KCNT2: variants seen among roughly 807,000 people sequenced by gnomAD.
The protein encoded by KCNT2 is potassium channel subfamily T member 2.
KCNT2 carries 67 observed loss-of-function variants against 153.8 expected under a neutral mutation model. That is an observed-to-expected ratio of 0.44 (90% CI 0.36 to 0.53). The LOEUF (loss-of-function observed/expected upper bound fraction) is 0.53, where lower values mean the gene tolerates loss of function less well. Among genes scored for constraint, KCNT2 ranks in the 20% least tolerant of loss-of-function variants. The pLI is 0.00. For missense variants in KCNT2, 975 were observed against 1,354.8 expected (o/e 0.72, Z 4.40); for synonymous variants, 500 against 458.8 (o/e 1.09, Z -1.15).
At chr1:196,479,284 A>C in intron 4 of KCNT2, 46 bp from the exon 5 acceptor site, 1 of 1,099,570 alleles carries the variant, frequency 9.1e-7, no homozygotes. Flanking sequence ...ATACAATTAA[A>C]TTATATATAT....
intron 12 of KCNT2, among the ~76,000 whole-genome samples, chr1:196,411,084 TC>T (rs1372344666): frequency 1.4e-4 from 8 of 56,236 alleles, no homozygotes; most frequent in Non-Finnish European, 2.9e-4. Context: ...CTTCCTTCCT[TC>T]CTTCCTTCCT....
chr1:196,604,347 T>C (rs1665080645), intron 1 of KCNT2, among the ~76,000 whole-genome samples: 1 of 152,156 alleles, frequency 6.6e-6, no homozygotes, highest in South Asian at 2.1e-4. Context: ...CCTAACTTAA[T>C]GGGGCCCTGA....
Position 196,227,732 on chromosome 1 carries a change from C to A in KCNT2, c.*492G>T, listed in dbSNP as rs1207418105. 1 of 152,478 alleles carries A rather than the reference C, an allele frequency of 6.6e-6. No homozygotes were observed. Among genetic ancestry groups the A allele is most frequent in the Non-Finnish European group, 1.5e-5 (1 of 67,964 alleles). 9.4% of individuals were successfully genotyped at this position (152,478 alleles called of 1,614,324 possible). A position where few individuals can be genotyped will look rare whatever the true frequency, so the allele number is the denominator to read the frequency against. On this transcript the variant is annotated 3_prime_UTR_variant, in exon 28 of 28. Transcript: ENST00000294725. ...ACTATGATTCTTACACAAAAGTCAG[C>A]CACACAAGTTTGTTGGTTAATCTCT...
At chr1:196,380,573 T>A (rs1414054627) in intron 13 of KCNT2, among the ~76,000 whole-genome samples, 2 of 152,180 alleles carry the variant, frequency 1.3e-5, no homozygotes, top group African/African-American at 4.8e-5. Context: ...ACCAATCTAG[T>A]GCTGGGTTTT....
At chr1:196,358,183 C>G (rs1459419055) in intron 14 of KCNT2, among the ~76,000 whole-genome samples, 1 of 151,570 alleles carries the variant, frequency 6.6e-6, no homozygotes, top group African/African-American at 2.4e-5. Flanking sequence ...TATTCCAACT[C>G]TGCATTTTTA....
intron 8 of KCNT2, among the ~76,000 whole-genome samples, chr1:196,435,655 A>G (rs761614840): frequency 2.0e-5 from 3 of 151,788 alleles, no homozygotes; most frequent in Non-Finnish European, 4.4e-5. Flanking sequence ...ATTATGTCAC[A>G]GTGAATACTG....
At chr1:196,404,048 C>G (rs1671635971) in intron 12 of KCNT2, 1 of 384,956 alleles carries the variant, frequency 2.6e-6, no homozygotes, top group African/African-American at 2.2e-5. Context: ...CCAAACTGAA[C>G]TCATCTTGCT....
At chr1:196,374,302 A>G (rs1396627352) in intron 13 of KCNT2, among the ~76,000 whole-genome samples, 2 of 151,830 alleles carry the variant, frequency 1.3e-5, no homozygotes, top group Admixed American at 6.6e-5. Flanking sequence ...AAGAAAGAAG[A>G]AAAGGTTACA....
chr1:196,270,046 T>A (rs1375843457), intron 25 of KCNT2, among the ~76,000 whole-genome samples: 1 of 152,080 alleles, frequency 6.6e-6, no homozygotes, highest in Non-Finnish European at 1.5e-5. Flanking sequence ...ACTATTTCTG[T>A]TTTCTTTCAC....
At chr1:196,580,490 T>A (rs1036876917) in intron 1 of KCNT2, among the ~76,000 whole-genome samples, 5 of 152,134 alleles carry the variant, frequency 3.3e-5, no homozygotes, top group African/African-American at 9.7e-5. Context: ...CCACAGTGCT[T>A]GGTGAAACAC....
intron 1 of KCNT2, among the ~76,000 whole-genome samples, chr1:196,561,525 A>C (rs1469759966): frequency 2.0e-5 from 3 of 151,564 alleles, no homozygotes; most frequent in African/African-American, 7.3e-5. Context: ...TGTAAACCAA[A>C]AAGTATCTGA....
At chr1:196,393,682 GT>G (rs2148420901) in intron 13 of KCNT2, among the ~76,000 whole-genome samples, 1 of 151,538 alleles carries the variant, frequency 6.6e-6, no homozygotes, top group Non-Finnish European at 1.5e-5. Context: ...CAGATTAAAT[GT>G]TGAGCTACAG....
chr1:196,576,759 T>C (rs1349280002), intron 1 of KCNT2, among the ~76,000 whole-genome samples: 3 of 152,150 alleles, frequency 2.0e-5, no homozygotes, highest in Non-Finnish European at 4.4e-5. Context: ...AAGCTTTCTA[T>C]GTCACTAGGC....
At chr1:196,433,661 G>A (rs1674357259) in intron 8 of KCNT2, among the ~76,000 whole-genome samples, 1 of 151,832 alleles carries the variant, frequency 6.6e-6, no homozygotes. Context: ...ATGGCTTCTG[G>A]GCACAAGAAG....
At chr1:196,515,054 G>C (rs1681938495) in intron 1 of KCNT2, among the ~76,000 whole-genome samples, 1 of 152,108 alleles carries the variant, frequency 6.6e-6, no homozygotes, top group Non-Finnish European at 1.5e-5. Flanking sequence ...TGTAAAATAT[G>C]TTCTAAAATA....
At chr1:196,607,330 T>A (rs1665428568) in intron 1 of KCNT2, among the ~76,000 whole-genome samples, 1 of 152,230 alleles carries the variant, frequency 6.6e-6, no homozygotes, top group African/African-American at 2.4e-5. Flanking sequence ...TGGCATGTGA[T>A]ATATGGGATG....
In KCNT2 at chr1:196,321,752, A is replaced by C. The variant is rs541408010; in HGVS notation, c.2277-2197T>G. On this transcript the variant is annotated intron_variant, in intron 19 of 27. Coordinates refer to ENST00000294725, the MANE Select transcript of KCNT2 (RefSeq NM_198503.5). ...TATTCTTTGCAAAATTTAATTTAGC[A>C]TAATAGATAGATTCATCTACTACAG... Among the ~76,000 whole-genome samples the C allele has an allele frequency of 7.9e-5, 12 of 152,086 alleles. No individual in the cohort carries two copies. The South Asian group carries it at 2.5e-3, about 32-fold the overall frequency.
rs191778190 is a variant in KCNT2, at chr1:196,314,953, G to A, written c.2483+939C>T. On this transcript the variant is annotated intron_variant, in intron 21 of 27. Transcript: ENST00000294725. The stretch of plus-strand genomic sequence containing the variant: ...ATTGTGATTAATATATTGAGATGTA[G>A]AGAAGAAAAGTAATTTGCCTAAGAT... 1.5e-3 allele frequency among the ~76,000 whole-genome samples: 229 copies of A among 151,814 alleles called. 1 individual carries two copies. Among genetic ancestry groups the A allele is most frequent in the Non-Finnish European group, 7.7e-4 (52 of 67,788 alleles).
chr1:196,584,168 G>GATAAAATAAAATAAA (rs67886282), intron 1 of KCNT2, among the ~76,000 whole-genome samples: 14,188 of 140,920 alleles, frequency 0.1, 895 homozygotes, highest in African/African-American at 0.13. Context: ...CTGGAATTAA[G>GATAAAATAAAATAAA]ATAAAATAAA....
Sources: gnomAD v4.1 joint callset for allele counts (sites outside exome capture counted in the v4.1 genomes callset) on GRCh38, gnomAD v4.1.1 for gene constraint, MANE v1.5 for transcripts, NCBI Gene and HGNC (gene_info 2026-07-23, HGNC 2026-07-21) for gene names.